LUZP2: variants seen among roughly 807,000 people sequenced by gnomAD.
The protein encoded by LUZP2 is leucine zipper protein 2.
In LUZP2, 52 loss-of-function variants were observed where a neutral mutation model predicts 51.6. That is an observed-to-expected ratio of 1.01 (90% confidence interval 0.81 to 1.27). LUZP2 has a LOEUF of 1.27. LUZP2 is among the 50% of genes most tolerant of loss of function. The pLI is 0.00. For missense variants in LUZP2, 436 were observed against 395.4 expected (o/e 1.10, Z -0.87); for synonymous variants, 154 against 137.3 (o/e 1.12, Z -0.85).
chr11:24,505,420 A>G (rs1850118484), intron 1 of LUZP2, among the ~76,000 whole-genome samples: 1 of 152,210 alleles, frequency 6.6e-6, no homozygotes, highest in Non-Finnish European at 1.5e-5. Flanking sequence ...GTCAATGAAC[A>G]TCTCTTAGCC....
intron 1 of LUZP2, among the ~76,000 whole-genome samples, chr11:24,682,804 G>A (rs1856787453): frequency 6.6e-6 from 1 of 151,900 alleles, no homozygotes; most frequent in African/African-American, 2.4e-5. Context: ...AAGAGATCGA[G>A]ACCATCCTGG....
chr11:24,613,320 A>G (rs529973852), intron 1 of LUZP2, among the ~76,000 whole-genome samples: 1 of 149,284 alleles, frequency 6.7e-6, no homozygotes, highest in East Asian at 2.0e-4. Context: ...GTGGATGTGC[A>G]TGGGTGCACA....
At chr11:24,864,055 T>A (rs952142591) in intron 5 of LUZP2, among the ~76,000 whole-genome samples, 5 of 152,158 alleles carry the variant, frequency 3.3e-5, no homozygotes, top group African/African-American at 1.2e-4. Context: ...TAATGGTGTA[T>A]CAGAAAATAA....
At chr11:24,633,964 G>GTATATATATATATATA (rs1554966093) in intron 1 of LUZP2, among the ~76,000 whole-genome samples, 1 of 149,124 alleles carries the variant, frequency 6.7e-6, no homozygotes, top group South Asian at 2.1e-4. Flanking sequence ...GTGTGTGTGT[G>GTATATATATATATATA]TATATATAGT....
chr11:24,664,546 C>T (rs1856147242), intron 1 of LUZP2, among the ~76,000 whole-genome samples: 1 of 152,084 alleles, frequency 6.6e-6, no homozygotes, highest in South Asian at 2.1e-4. Context: ...CTCCCCCACT[C>T]CATCACAGGT....
intron 7 of LUZP2, among the ~76,000 whole-genome samples, chr11:24,966,651 T>C (rs1234813464): frequency 6.8e-6 from 1 of 148,148 alleles, no homozygotes; most frequent in Admixed American, 6.8e-5. Flanking sequence ...ATATAAGATA[T>C]ATAACATATT....
intron 7 of LUZP2, among the ~76,000 whole-genome samples, chr11:24,960,320 G>A (rs1451720058): frequency 6.6e-6 from 1 of 152,144 alleles, no homozygotes; most frequent in Non-Finnish European, 1.5e-5. Context: ...GTTTCAGAAG[G>A]AATGGTACCA....
chr11:24,622,537 T>G lies in LUZP2; in HGVS notation c.63-106632T>G, dbSNP rs576696670. Among the ~76,000 whole-genome samples the G allele has an allele frequency of 3.1e-3, 474 of 152,184 alleles. 2 individuals carry two copies. The highest frequency in any genetic ancestry group is 0.011 in the African/African-American group (448 of 41,510). ...CCTCACAAACTTTATTCAGGTAGAT[T>G]TTTTAGGTTGGGAAACAACAGGGTC... On this transcript the variant is annotated intron_variant, in intron 1 of 11. Coordinates refer to ENST00000336930, the MANE Select transcript of LUZP2 (RefSeq NM_001009909.4).
chr11:24,623,681 A>G (rs1854581090), intron 1 of LUZP2, among the ~76,000 whole-genome samples: 1 of 152,036 alleles, frequency 6.6e-6, no homozygotes, highest in Admixed American at 6.6e-5. Flanking sequence ...CCCCCTCTCT[A>G]CTAAAAATAC....
At chr11:24,721,226 A>G (rs1280084929) in intron 1 of LUZP2, among the ~76,000 whole-genome samples, 1 of 152,228 alleles carries the variant, frequency 6.6e-6, no homozygotes, top group African/African-American at 2.4e-5. Flanking sequence ...AGGAATTGTT[A>G]GCAAATAATA....
chr11:24,723,131 C>G (rs1328998497), intron 1 of LUZP2, among the ~76,000 whole-genome samples: 1 of 152,014 alleles, frequency 6.6e-6, no homozygotes, highest in Non-Finnish European at 1.5e-5. Flanking sequence ...AACATCCTCC[C>G]TTTATGAGTC....
At chr11:24,905,915 A>C in intron 5 of LUZP2, 76 bp from the exon 6 acceptor site, 1 of 1,039,948 alleles carries the variant, frequency 9.6e-7, no homozygotes. Context: ...AACATAAAGC[A>C]ATAATGTTGA....
At chr11:24,884,166 C>A (rs2134303447) in intron 5 of LUZP2, among the ~76,000 whole-genome samples, 1 of 152,106 alleles carries the variant, frequency 6.6e-6, no homozygotes, top group South Asian at 2.1e-4. Flanking sequence ...ATTTTATAAA[C>A]CATAAATTAC....
chr11:24,565,356 A>T (rs1852182383), intron 1 of LUZP2, among the ~76,000 whole-genome samples: 1 of 152,182 alleles, frequency 6.6e-6, no homozygotes, highest in African/African-American at 2.4e-5. Flanking sequence ...CACACCTTGC[A>T]GGCAGTGAGT....
chr11:24,501,342 G>T (rs1849987189), intron 1 of LUZP2, among the ~76,000 whole-genome samples: 1 of 152,140 alleles, frequency 6.6e-6, no homozygotes. Context: ...TAATGATAGG[G>T]ACATCTCAAA....
At chr11:24,732,062 A>G in intron 2 of LUZP2, 56 bp from the exon 3 acceptor site, 1 of 1,351,496 alleles carries the variant, frequency 7.4e-7, no homozygotes, top group Non-Finnish European at 1.0e-6. Flanking sequence ...CCAAAGTTAA[A>G]GTGAGTCTCA....
At chr11:25,073,073 G>T (rs1415553848) in intron 10 of LUZP2, among the ~76,000 whole-genome samples, 1 of 152,080 alleles carries the variant, frequency 6.6e-6, no homozygotes, top group African/African-American at 2.4e-5. Flanking sequence ...CTTGAAGCAA[G>T]CTTACAGTTA....
chr11:24,856,247 G>A (rs546602226), intron 5 of LUZP2, among the ~76,000 whole-genome samples: 1 of 151,604 alleles, frequency 6.6e-6, no homozygotes, highest in South Asian at 2.1e-4. Flanking sequence ...TTAACAACAA[G>A]AAACAACTCC....
chr11:24,745,210 A>G (rs973740341), intron 4 of LUZP2, among the ~76,000 whole-genome samples: 3 of 152,250 alleles, frequency 2.0e-5, no homozygotes, highest in African/African-American at 7.2e-5. Flanking sequence ...CGTTCTGTAT[A>G]TATCTGTTAA....
Sources: allele counts gnomAD v4.1 joint callset (sites outside exome capture counted in the v4.1 genomes callset), GRCh38; gene constraint gnomAD v4.1.1; transcripts MANE v1.5; gene names NCBI Gene and HGNC (gene_info 2026-07-23, HGNC 2026-07-21).